Variants in KDM1A observed in about 807,000 individuals in gnomAD.
KDM1A encodes lysine demethylase 1A.
A neutral mutation model predicts 109.4 loss-of-function variants in KDM1A; 49 were observed. That is an observed-to-expected ratio of 0.45 (90% confidence interval 0.36 to 0.57). The LOEUF (loss-of-function observed/expected upper bound fraction) is 0.57. KDM1A is among the 20% of genes least tolerant of loss of function. KDM1A has a pLI of 0.00. For missense variants in KDM1A, 668 were observed against 1,116.6 expected, an observed-to-expected ratio of 0.60 and a Z score of 5.73; for synonymous variants, 380 against 415.4, an observed-to-expected ratio of 0.91 and a Z score of 1.04.
chr1:23,054,572 A>G (rs1642769751), intron 5 of KDM1A, among the ~76,000 whole-genome samples: 5 of 152,074 alleles, frequency 3.3e-5, no homozygotes. Context: ...CTCAGCCTTG[A>G]TCTGCCAGGC....
chr1:23,068,993 T>C (rs1408771333), intron 11 of KDM1A, 68 bp from the exon 12 acceptor site: 7 of 1,087,270 alleles, frequency 6.4e-6, no homozygotes, highest in Non-Finnish European at 8.1e-6. Flanking sequence ...TTAAATGTTT[T>C]TGATGGGCAC....
intron 12 of KDM1A, among the ~76,000 whole-genome samples, 163 bp downstream of exon 12, chr1:23,069,314 T>C (rs1643251656): frequency 6.6e-6 from 1 of 152,234 alleles, no homozygotes; most frequent in Non-Finnish European, 1.5e-5. Flanking sequence ...GAGACTGTTT[T>C]ATCTGTCAGT....
intron 2 of KDM1A, among the ~76,000 whole-genome samples, chr1:23,035,060 A>C (rs1642101828): frequency 6.6e-6 from 1 of 152,126 alleles, no homozygotes; most frequent in Non-Finnish European, 1.5e-5. Context: ...ATTATAATTT[A>C]TTTTATGGAA....
chr1:23,077,506 A>G (rs1385996311), intron 16 of KDM1A, 146 bp downstream of exon 16: 5 of 745,312 alleles, frequency 6.7e-6, no homozygotes, highest in Non-Finnish European at 8.1e-6. Flanking sequence ...AGTTGAGCCT[A>G]TAGAGTCTTT....
chr1:23,037,151 C>CA (rs1000978537), intron 2 of KDM1A, among the ~76,000 whole-genome samples: 2 of 151,258 alleles, frequency 1.3e-5, no homozygotes, highest in African/African-American at 4.9e-5. Flanking sequence ...CACACACACA[C>CA]AAATTAGCCG....
chr1:23,078,856 T>C, intron 16 of KDM1A, 134 bp from the exon 17 acceptor site: 1 of 833,676 alleles, frequency 1.2e-6, no homozygotes, highest in Non-Finnish European at 1.9e-6. Context: ...TTTTCTTATG[T>C]GAAACATGAA....
At position 23,073,406 on chromosome 1, in the gene KDM1A, A is replaced by G. The variant is rs766044763; in HGVS notation, c.1734+3A>G. The G allele has an allele frequency of 1.8e-5, 27 of 1,512,592 alleles. No homozygotes were observed. Among genetic ancestry groups the G allele is most frequent in the Non-Finnish European group, 2.8e-6 (3 of 1,088,404 alleles). The allele number at this position is 1,512,592 out of a possible 1,614,324, so 93.7% of individuals were successfully genotyped here. A position where few individuals can be genotyped will look rare whatever the true frequency, so the allele number is the denominator to read the frequency against. ...TCTCCCTTAAGCACTGGGATCAGGT[A>G]AGTTTCCCTTATTGTTTATTTTATT... On this transcript the variant is annotated splice_donor_region_variant and intron_variant, in intron 15 of 20. Transcript: ENST00000400181.
intron 18 of KDM1A, among the ~76,000 whole-genome samples, chr1:23,080,378 C>CA (rs772600939): frequency 9.9e-5 from 15 of 152,194 alleles, no homozygotes; most frequent in Non-Finnish European, 1.6e-4. Context: ...CCTGTCAGTG[C>CA]TAGCCTTACA....
chr1:23,051,275 T>G (rs936896878), intron 4 of KDM1A, among the ~76,000 whole-genome samples: 1 of 152,226 alleles, frequency 6.6e-6, no homozygotes, highest in African/African-American at 2.4e-5. Context: ...CTGCTGGACA[T>G]TTGTTGCCGA....
In KDM1A at chr1:23,053,041, A is replaced by T. The variant is rs1202391042; in HGVS notation, c.712-720A>T. Among the ~76,000 whole-genome samples the T allele has an allele frequency of 2.0e-5, 3 of 151,926 alleles. No individual in the cohort carries two copies. The South Asian group carries it at 6.2e-4, about 32-fold the overall frequency. ...ATTCCATTCAGTGTCTGGCGTACCAACTCGCTTAGTTGTACCAAAATGGAG... is the reference window on the plus strand; with the variant it reads ...ATTCCATTCAGTGTCTGGCGTACCATCTCGCTTAGTTGTACCAAAATGGAG... On this transcript the variant is annotated intron_variant, in intron 4 of 20. Coordinates refer to ENST00000400181, the MANE Select transcript of KDM1A (RefSeq NM_001009999.3).
In KDM1A at chr1:23,069,113, G is replaced by A; in HGVS notation, c.1375G>A (p.Val459Met). 1 of 1,610,536 alleles carries A rather than the reference G, an allele frequency of 6.2e-7. No individual in the cohort carries two copies. The highest frequency in any genetic ancestry group is 1.1e-5 in the South Asian group (1 of 90,544). Residue 459 changes from valine (V) to methionine (M), a missense_variant, in exon 12 of 21, where the codon GTG becomes ATG. Around this residue, in one of 8 missense-constraint regions of KDM1A, gnomAD observed 62 missense variants for 82.8 expected, o/e 0.75. Coordinates refer to ENST00000400181, the MANE Select transcript of KDM1A (RefSeq NM_001009999.3). ...GCAGATTGAACATTGGAAGAAGATA[G>A]TGAAAACTCAGGAAGAATTGAAAGA... Reference protein sequence around the residue: ...DEQIEHWKKIVKTQEELKELL... With the variant: ...DEQIEHWKKIMKTQEELKELL...
chr1:23,060,520 G>T (rs1318701421), intron 9 of KDM1A, among the ~76,000 whole-genome samples: 1 of 152,160 alleles, frequency 6.6e-6, no homozygotes, highest in Non-Finnish European at 1.5e-5. Context: ...AAATTGCTAT[G>T]GAAGAACCAA....
intron 2 of KDM1A, among the ~76,000 whole-genome samples, chr1:23,036,444 G>GCCCCCCCCCCCCCCCCCCCCCCCCCCCC (rs5773033): frequency 8.9e-4 from 108 of 121,684 alleles, no homozygotes; most frequent in Middle Eastern, 4.2e-3. Flanking sequence ...TTCTTGCCAC[G>GCCCCCCCCCCCCCCCCCCCCCCCCCCCC]CCCCCCCCCT....
In KDM1A at chr1:23,040,282, T is replaced by C. The variant is rs565092111; in HGVS notation, c.518-4145T>C. ...AGATAAAAGCATTTGAAAGTCAACA[T>C]AGACTTCCTTTTAAGATGTTGGAAG... On this transcript the variant is annotated intron_variant, in intron 2 of 20. Transcript: ENST00000400181. Among the ~76,000 whole-genome samples the C allele has an allele frequency of 1.2e-4, 19 of 152,352 alleles. No homozygotes were observed. The South Asian group carries it at 3.7e-3, about 30-fold the overall frequency.
Position 23,079,508 on chromosome 1 carries a change from T to C in KDM1A, c.2056-45T>C, listed in dbSNP as rs1238027227. The C allele has an allele frequency of 3.5e-6, 5 of 1,417,128 alleles. No homozygotes were observed. The Admixed American group carries it at 8.9e-5, about 25-fold the overall frequency. 87.8% of individuals were successfully genotyped at this position (1,417,128 alleles called of 1,614,324 possible). On this transcript the variant is annotated intron_variant, in intron 17 of 20. Coordinates refer to ENST00000400181, the MANE Select transcript of KDM1A (RefSeq NM_001009999.3). The surrounding 1 kb of genome is among the most constrained non-coding windows in gnomAD (Gnocchi z 5.6). ...TAAGGAAGTCTGTTGAAGCCAGTAT[T>C]ATCTGGCCCCTGTCACTGGCTCATG...
chr1:23,059,341 A>G (rs769886086), intron 9 of KDM1A, 174 bp downstream of exon 9: 3 of 703,530 alleles, frequency 4.3e-6, no homozygotes, highest in Admixed American at 1.8e-5. Flanking sequence ...CTCTTGAGCT[A>G]TGTAGGAAAG....
intron 16 of KDM1A, 120 bp from the exon 17 acceptor site, chr1:23,078,870 A>G: frequency 5.5e-6 from 5 of 904,028 alleles, no homozygotes; most frequent in Non-Finnish European, 8.6e-6. Flanking sequence ...ACATGAAGGT[A>G]ATGAAAATAG....
intron 2 of KDM1A, among the ~76,000 whole-genome samples, chr1:23,043,694 TTTC>T (rs2124428249): frequency 6.6e-6 from 1 of 152,366 alleles, no homozygotes; most frequent in African/African-American, 2.4e-5. Flanking sequence ...CTTTGATTCT[TTTC>T]TTGAAGTTAC....
chr1:23,045,573 G>A (rs1225690057), intron 3 of KDM1A, among the ~76,000 whole-genome samples: 3 of 152,104 alleles, frequency 2.0e-5, no homozygotes, highest in Admixed American at 1.3e-4. Flanking sequence ...ATCAAATGAC[G>A]CACAATTAGA....
Sources: allele counts gnomAD v4.1 joint callset (sites outside exome capture counted in the v4.1 genomes callset), GRCh38; gene constraint gnomAD v4.1.1; regional missense constraint gnomAD v4.1.1; non-coding constraint Gnocchi (gnomAD v3.1); transcripts MANE v1.5; gene names NCBI Gene and HGNC (gene_info 2026-07-23, HGNC 2026-07-21).